Variants in TTLL7 observed in about 807,000 individuals in gnomAD.
The protein encoded by TTLL7 is tubulin tyrosine ligase like 7.
Under a neutral mutation model 120.2 loss-of-function variants are expected in TTLL7, and 53 were observed. That is an observed-to-expected ratio of 0.44 (90% CI 0.35 to 0.55). TTLL7 has a LOEUF of 0.55. Ranked by LOEUF, TTLL7 falls within the 20% of genes least tolerant of loss-of-function variation. The pLI, the probability that TTLL7 is intolerant of heterozygous loss-of-function variation, is 0.00. For missense variants in TTLL7, 803 were observed against 1,054.7 expected (o/e 0.76, Z 3.31); for synonymous variants, 353 against 351.7 (o/e 1.00, Z -0.04).
At chr1:83,875,547 G>A (rs1482682715) in intron 20 of TTLL7, among the ~76,000 whole-genome samples, 1 of 151,848 alleles carries the variant, frequency 6.6e-6, no homozygotes, top group Non-Finnish European at 1.5e-5. Context: ...AGAATTTACA[G>A]GGAGAGTAGC....
At chr1:83,942,897 A>G (rs996675365) in intron 6 of TTLL7, among the ~76,000 whole-genome samples, 1 of 152,236 alleles carries the variant, frequency 6.6e-6, no homozygotes, top group African/African-American at 2.4e-5. Context: ...TAACTAAGAA[A>G]AAAACAGCTG....
Position 83,950,144 on chromosome 1 carries a change from G to A in TTLL7, c.158-158C>T, listed in dbSNP as rs549593622. On this transcript the variant is annotated intron_variant, in intron 3 of 20. Coordinates refer to ENST00000260505, the MANE Select transcript of TTLL7 (RefSeq NM_024686.6). The stretch of plus-strand genomic sequence containing the variant: ...TTTTAGTTACAACAGTTTTATCTAG[G>A]GCCAAATTATTCTCAGTAGTAACTG... 2.0e-5 allele frequency among the ~76,000 whole-genome samples: 3 copies of A among 151,836 alleles called. No individual in the cohort carries two copies. In the East Asian group the frequency reaches 5.8e-4, roughly 29 times the overall value.
chr1:83,984,870 G>A lies in TTLL7; in HGVS notation c.-177+14061C>T, dbSNP rs748966613. Reference sequence around the variant, plus strand: ...GGGACTATCCATATTCCAAACCTCAGCATCATGCAATATACCCAGGTAACA... The same window carrying A: ...GGGACTATCCATATTCCAAACCTCAACATCATGCAATATACCCAGGTAACA... On this transcript the variant is annotated intron_variant, in intron 1 of 20. Coordinates refer to ENST00000260505, the MANE Select transcript of TTLL7 (RefSeq NM_024686.6). Among the ~76,000 whole-genome samples, 113 of 152,118 alleles carry A rather than the reference G, an allele frequency of 7.4e-4. 1 individual carries two copies. Among genetic ancestry groups the A allele is most frequent in the Middle Eastern group, 6.8e-3 (2 of 294 alleles).
At chr1:83,980,979 A>G (rs1651900326) in intron 1 of TTLL7, 1 of 152,128 alleles carries the variant, frequency 6.6e-6, no homozygotes, top group Admixed American at 6.5e-5. Context: ...GAAAAATAGT[A>G]ATACCTAGGC....
chr1:83,918,357 T>C (rs1198812361), intron 13 of TTLL7, among the ~76,000 whole-genome samples: 1 of 152,158 alleles, frequency 6.6e-6, no homozygotes, highest in East Asian at 1.9e-4. Flanking sequence ...CAGTGGATAT[T>C]AGGCAAGCCA....
intron 19 of TTLL7, chr1:83,889,981 G>C: frequency 2.1e-6 from 1 of 471,882 alleles, no homozygotes; most frequent in Non-Finnish European, 4.2e-6. Context: ...ATGAGTCACA[G>C]CAGCTTTAGC....
intron 20 of TTLL7, among the ~76,000 whole-genome samples, chr1:83,873,001 T>C (rs972186274): frequency 6.6e-6 from 1 of 152,188 alleles, no homozygotes; most frequent in African/African-American, 2.4e-5. Context: ...CCATACTATA[T>C]TGTCATGACA....
rs544945392 is a variant in TTLL7, at chr1:83,905,839, C to T, written c.2127+490G>A. On this transcript the variant is annotated intron_variant, in intron 17 of 20. Coordinates refer to ENST00000260505, the MANE Select transcript of TTLL7 (RefSeq NM_024686.6). The stretch of plus-strand genomic sequence containing the variant: ...CTGGGTGGTGCACATGTGTGTGTAA[C>T]AAGAAAAACACACAGCTCAGCATAA... Among the ~76,000 whole-genome samples, 7 of 151,954 alleles carry T rather than the reference C, an allele frequency of 4.6e-5. No homozygotes were observed. The East Asian group carries it at 1.4e-3, about 30-fold the overall frequency.
At chr1:83,911,070 C>T in intron 15 of TTLL7, 95 bp downstream of exon 15, 1 of 1,005,686 alleles carries the variant, frequency 9.9e-7, no homozygotes, top group South Asian at 1.6e-5. Context: ...TCACACACAA[C>T]AGGGTTCATT....
At position 83,919,685 on chromosome 1, in the gene TTLL7, A is replaced by T. The variant is rs369761647; in HGVS notation, c.1500+14T>A. 32 of 1,604,366 alleles carry T rather than the reference A, an allele frequency of 2.0e-5. No individual in the cohort carries two copies. In the South Asian group the frequency reaches 3.4e-4, roughly 17 times the overall value. ...TTTATTCTTTTTTCTCTATATAAAC[A>T]TTCATTCTCTTACCTTCATCCTTTT... On this transcript the variant is annotated intron_variant, in intron 13 of 20. Transcript: ENST00000260505.
chr1:83,889,198 G>A (rs1219434180), intron 19 of TTLL7, among the ~76,000 whole-genome samples: 2 of 152,036 alleles, frequency 1.3e-5, no homozygotes, highest in Non-Finnish European at 2.9e-5. Flanking sequence ...GAAGTGCCAA[G>A]TAAAAGGGGG....
At chr1:83,915,713 G>A (rs1206635040) in intron 14 of TTLL7, among the ~76,000 whole-genome samples, 3 of 151,160 alleles carry the variant, frequency 2.0e-5, no homozygotes, top group Admixed American at 6.6e-5. Context: ...GCAACCTACA[G>A]AATGGGAGAA....
chr1:83,941,826 T>C lies in TTLL7; in HGVS notation c.723+637A>G, dbSNP rs1000637804. On this transcript the variant is annotated intron_variant, in intron 7 of 20. Transcript: ENST00000260505. Reference sequence around the variant, plus strand: ...ATGTTATGGCTGCACAAAAAAAGTCTTAATGAAAACATATCTACACAAAGC... The same window carrying C: ...ATGTTATGGCTGCACAAAAAAAGTCCTAATGAAAACATATCTACACAAAGC... Among the ~76,000 whole-genome samples the C allele has an allele frequency of 5.0e-4, 76 of 152,008 alleles. 1 individual carries two copies. Among genetic ancestry groups the C allele is most frequent in the Admixed American group, 4.8e-3 (73 of 15,254 alleles).
chr1:83,949,773 T>G, intron 4 of TTLL7, 92 bp downstream of exon 4: 2 of 1,420,026 alleles, frequency 1.4e-6, no homozygotes, highest in Non-Finnish European at 1.9e-6. Flanking sequence ...TGAAATGTAA[T>G]AAGGCAACAT....
In TTLL7 at chr1:83,865,108, A is replaced by G. The variant is rs1414122264; in HGVS notation, c.*4854T>C. The G allele has an allele frequency of 1.3e-5, 2 of 152,028 alleles. No homozygotes were observed. The highest frequency in any genetic ancestry group is 1.5e-5 in the Non-Finnish European group (1 of 67,924). The allele number at this position is 152,028 out of a possible 1,614,324, so 9.4% of individuals were successfully genotyped here. On this transcript the variant is annotated 3_prime_UTR_variant, in exon 21 of 21. Coordinates refer to ENST00000260505, the MANE Select transcript of TTLL7 (RefSeq NM_024686.6). ...TCACCATACAGATATCACATGCTGG[A>G]GCATGACAATGCAACGCTAATTGCA...
chr1:83,927,426 A>G (rs571147754), intron 10 of TTLL7, among the ~76,000 whole-genome samples: 6 of 152,270 alleles, frequency 3.9e-5, no homozygotes, highest in African/African-American at 1.2e-4. Flanking sequence ...TTCATAATAA[A>G]AGATGGGATT....
intron 18 of TTLL7, chr1:83,902,368 T>C (rs1656796010): frequency 6.6e-6 from 1 of 152,008 alleles, no homozygotes; most frequent in South Asian, 2.1e-4. Context: ...TGTTTTGCTT[T>C]CCACTTTTCT....
chr1:83,873,689 G>A (rs966640810), intron 20 of TTLL7, among the ~76,000 whole-genome samples: 4 of 152,088 alleles, frequency 2.6e-5, no homozygotes, highest in African/African-American at 7.2e-5. Context: ...CATAGAGCCT[G>A]CATTTATGTA....
At chr1:83,964,821 C>G (rs555075048) in intron 1 of TTLL7, among the ~76,000 whole-genome samples, 1 of 152,256 alleles carries the variant, frequency 6.6e-6, no homozygotes, top group South Asian at 2.1e-4. Flanking sequence ...CATATACCCA[C>G]AGCATGCATC....
Sources: gnomAD v4.1 joint callset for allele counts (sites outside exome capture counted in the v4.1 genomes callset) on GRCh38, gnomAD v4.1.1 for gene constraint, MANE v1.5 for transcripts, NCBI Gene and HGNC (gene_info 2026-07-23, HGNC 2026-07-21) for gene names.